LCTL: variants seen among roughly 807,000 people sequenced by gnomAD.
The protein encoded by LCTL is lactase like, also known as lactase-like protein.
LCTL carries 76 observed loss-of-function variants against 75.8 expected under a neutral mutation model. That is an observed-to-expected ratio of 1.00 (90% CI 0.83 to 1.21). The LOEUF (loss-of-function observed/expected upper bound fraction) is 1.21. Among genes scored for constraint, LCTL ranks in the 50% most tolerant of loss-of-function variants. The pLI, the probability that LCTL is intolerant of heterozygous loss-of-function variation, is 0.00. For synonymous variants in LCTL, 271 were observed against 268.8 expected (o/e 1.01, Z -0.08); for missense variants, 670 against 712.4 (o/e 0.94, Z 0.68).
intron 11 of LCTL, 80 bp downstream of exon 12, chr15:66,551,582 A>G (rs1567057935): frequency 2.6e-6 from 3 of 1,163,480 alleles, no homozygotes; most frequent in Non-Finnish European, 3.7e-6. Context: ...GAGAAGAGAA[A>G]CTTGCCAAGT....
chr15:66,550,087 G>A, exon 12 of LCTL: 2 of 1,603,790 alleles, frequency 1.2e-6, no homozygotes, highest in Admixed American at 3.4e-5. Flanking sequence ...CCAAAGCTTT[G>A]AGGTACCAAC....
chr15:66,565,161 C>A, intron 1 of LCTL, 87 bp downstream of exon 2: 1 of 884,458 alleles, frequency 1.1e-6, no homozygotes, highest in Admixed American at 2.0e-5. Context: ...AATCAGGAAG[C>A]AAGAACACCA....
Position 66,548,736 on chromosome 15 carries a change from T to C in LCTL, c.1589-131A>G, listed in dbSNP as rs538073487. 5.9e-6 allele frequency: 3 copies of C among 509,118 alleles called. No individual in the cohort carries two copies. In the South Asian group the frequency reaches 1.0e-4, roughly 18 times the overall value. 31.5% of individuals were successfully genotyped at this position (509,118 alleles called of 1,614,324 possible). A position where few individuals can be genotyped will look rare whatever the true frequency, so the allele number is the denominator to read the frequency against. ...GCATCCTCAAATTTTCTGATTCTTA[T>C]TTGCCATGAAATAGAACTTAGTAAA... is the stretch of plus-strand genomic sequence containing the variant. On this transcript the variant is annotated intron_variant, in intron 12 of 12. Transcript: ENST00000341509.
In LCTL at chr15:66,561,409, G is replaced by C. The variant is rs544619139; in HGVS notation, c.481-94C>G. On this transcript the variant is annotated intron_variant, in intron 4 of 12. Coordinates refer to ENST00000341509, the Ensembl canonical transcript of LCTL. ...TGTGACAGTCCTCAGACAAACAGGA[G>C]GGAGGCCGCACAGGGAGACTGGGAC... 1.1e-5 allele frequency: 15 copies of C among 1,404,528 alleles called. 1 individual carries two copies. In the South Asian group the frequency reaches 1.7e-4, roughly 16 times the overall value. The allele number at this position is 1,404,528 out of a possible 1,614,324, so 87.0% of individuals were successfully genotyped here. A position where few individuals can be genotyped will look rare whatever the true frequency, so the allele number is the denominator to read the frequency against.
chr15:66,558,691 T>G (rs866044972), intron 6 of LCTL, among the ~76,000 whole-genome samples: 188 of 138,592 alleles, frequency 1.4e-3, no homozygotes, highest in Middle Eastern at 3.8e-3. Flanking sequence ...GTGTGTGTTT[T>G]TTTTTTTTTT....
chr15:66,552,914 C>T, intron 9 of LCTL, 70 bp downstream of exon 10: 2 of 1,320,908 alleles, frequency 1.5e-6, no homozygotes, highest in Non-Finnish European at 1.0e-6. Flanking sequence ...AATGTAGGCA[C>T]CTGAGCTTAA....
At chr15:66,559,017 CTTGTTTT>C (rs1388451110) in intron 6 of LCTL, among the ~76,000 whole-genome samples, 12 of 151,552 alleles carry the variant, frequency 7.9e-5, no homozygotes, top group African/African-American at 4.8e-5. Context: ...CTTTAATAAG[CTTGTTTT>C]TTGTTTTTTG....
intron 7 of LCTL, 41 bp downstream of exon 8, chr15:66,557,940 GC>G (rs762090591): frequency 6.7e-5 from 107 of 1,608,306 alleles, no homozygotes; most frequent in Non-Finnish European, 8.4e-5. Context: ...GCTGCTCCGG[GC>G]ACTTGGCTGT....
Position 66,561,453 on chromosome 15 carries a change from C to G in LCTL, c.481-138G>C, listed in dbSNP as rs1418936642. ...CTGGGACTCTCATGCCTAGAAAGAA[C>G]TGGATGGATTGAATATTTAAGAAAA... On this transcript the variant is annotated intron_variant, in intron 4 of 12. Transcript: ENST00000341509. The G allele has an allele frequency of 4.3e-6, 4 of 937,976 alleles. No homozygotes were observed. The East Asian group carries it at 9.7e-5, about 23-fold the overall frequency. The allele number at this position is 937,976 out of a possible 1,614,324, so 58.1% of individuals were successfully genotyped here. A position where few individuals can be genotyped will look rare whatever the true frequency, so the allele number is the denominator to read the frequency against.
At chr15:66,565,086 C>CA (rs35640724) in intron 1 of LCTL, among the ~76,000 whole-genome samples, 162 bp downstream of exon 2, 13,347 of 147,614 alleles carry the variant, frequency 0.09, 1,190 homozygotes, top group African/African-American at 0.23. Flanking sequence ...TTAGTAACTT[C>CA]AAAAAAAAAA....
At chr15:66,550,674 T>C (rs551823354) in intron 11 of LCTL, among the ~76,000 whole-genome samples, 3 of 152,134 alleles carry the variant, frequency 2.0e-5, no homozygotes, top group Non-Finnish European at 2.9e-5. Flanking sequence ...AAATGATATC[T>C]TGCTATGTTG....
intron 11 of LCTL, 42 bp downstream of exon 12, chr15:66,551,619 CT>C: frequency 6.6e-7 from 1 of 1,512,254 alleles, no homozygotes; most frequent in Non-Finnish European, 9.1e-7. Flanking sequence ...CTATCTAGCT[CT>C]TCCTAAAGTT....
chr15:66,561,769 G>A lies in LCTL; in HGVS notation c.481-454C>T, dbSNP rs572660997. On this transcript the variant is annotated intron_variant, in intron 4 of 12. Coordinates refer to ENST00000341509, the Ensembl canonical transcript of LCTL. The stretch of plus-strand genomic sequence containing the variant: ...GGGGATGTTAATGGGGCAGGCTCAT[G>A]AAAGCAACCAGGGAAGAAGCTGGAA... 1.3e-3 allele frequency among the ~76,000 whole-genome samples: 202 copies of A among 152,286 alleles called. 1 individual carries two copies. Among genetic ancestry groups the A allele is most frequent in the African/African-American group, 4.8e-3 (201 of 41,556 alleles).
chr15:66,559,427 G>T (rs1895826059), intron 6 of LCTL, among the ~76,000 whole-genome samples: 1 of 152,166 alleles, frequency 6.6e-6, no homozygotes. Flanking sequence ...ATCTCTTCAG[G>T]CCGGGTGCGG....
chr15:66,558,088 C>A (rs369826743), intron 6 of LCTL, 52 bp from the exon 8 acceptor site: 1 of 1,496,386 alleles, frequency 6.7e-7, no homozygotes, highest in Admixed American at 2.1e-5. Context: ...CCATTTCCTC[C>A]CTTTCAATCT....
intron 9 of LCTL, 48 bp downstream of exon 10, chr15:66,552,936 A>T (rs374210048): frequency 7.1e-7 from 1 of 1,412,282 alleles, no homozygotes; most frequent in South Asian, 1.8e-5. Context: ...CTGTGAGAAC[A>T]TGAATTCAAG....
intron 6 of LCTL, among the ~76,000 whole-genome samples, chr15:66,558,270 G>GT (rs1275362079): frequency 3.3e-5 from 5 of 152,074 alleles, no homozygotes; most frequent in Admixed American, 6.5e-5. Flanking sequence ...GTTATTTATC[G>GT]TTTTTAAGAT....
intron 2 of LCTL, chr15:66,564,310 C>A: frequency 2.0e-6 from 1 of 489,966 alleles, no homozygotes; most frequent in Non-Finnish European, 3.7e-6. Context: ...ATGAGCGGGT[C>A]CCACTCCCTC....
chr15:66,552,981 C>A lies in LCTL; in HGVS notation c.1197+3G>T. On this transcript the variant is annotated splice_donor_region_variant and intron_variant, in intron 9 of 12. Transcript: ENST00000341509. ...CCTTTGAATAGCTGAATGTGATAAT[C>A]ACCTGAGCAAAGTTAAGGAGCCTCC... 6.9e-7 allele frequency: 1 copy of A among 1,439,960 alleles called. No individual in the cohort carries two copies. Among genetic ancestry groups the A allele is most frequent in the South Asian group, 1.7e-5 (1 of 60,072 alleles). 89.2% of individuals were successfully genotyped at this position (1,439,960 alleles called of 1,614,324 possible).
Sources: allele counts gnomAD v4.1 joint callset (sites outside exome capture counted in the v4.1 genomes callset), GRCh38; gene constraint gnomAD v4.1.1; transcripts MANE v1.5; gene names NCBI Gene and HGNC (gene_info 2026-07-23, HGNC 2026-07-21).